The following RUNX1T1 variants were observed in gnomAD, a reference collection of about 807,000 sequenced individuals.
RUNX1T1 encodes RUNX1 partner transcriptional co-repressor 1.
A neutral mutation model predicts 62.8 loss-of-function variants in RUNX1T1; 4 were observed. The ratio of observed to expected loss-of-function variants is 0.06; its 90% CI spans 0.03 to 0.15. The LOEUF (loss-of-function observed/expected upper bound fraction) is 0.15, where lower values mean the gene tolerates loss of function less well. Ranked by LOEUF, RUNX1T1 falls within the 10% of genes least tolerant of loss-of-function variation. The pLI, the probability that RUNX1T1 is intolerant of heterozygous loss-of-function variation, is 1.00. For missense variants in RUNX1T1, 508 were observed against 754.3 expected, an observed-to-expected ratio of 0.67 and a Z score of 3.82; for synonymous variants, 291 against 286.0, an observed-to-expected ratio of 1.02 and a Z score of -0.18.
At chr8:92,083,604 TA>T (rs878968827) in intron 1 of RUNX1T1, among the ~76,000 whole-genome samples, 1 of 152,148 alleles carries the variant, frequency 6.6e-6, no homozygotes, top group African/African-American at 2.4e-5. Context: ...AAACAACAGA[TA>T]CTGGAGAGGA....
intron 1 of RUNX1T1, among the ~76,000 whole-genome samples, chr8:92,093,247 G>A (rs1837303302): frequency 6.6e-6 from 1 of 151,904 alleles, no homozygotes; most frequent in Non-Finnish European, 1.5e-5. Context: ...ATAAGTCATA[G>A]TCAAAATAGA....
At chr8:91,981,291 C>A (rs1586800694) in intron 8 of RUNX1T1, among the ~76,000 whole-genome samples, 1 of 149,590 alleles carries the variant, frequency 6.7e-6, no homozygotes, top group African/African-American at 2.5e-5. Flanking sequence ...ATAATTCAAT[C>A]ATATGACAAT....
At chr8:92,077,237 T>C (rs551935857) in intron 1 of RUNX1T1, among the ~76,000 whole-genome samples, 1 of 152,268 alleles carries the variant, frequency 6.6e-6, no homozygotes, top group African/African-American at 2.4e-5. Context: ...TAAAATACAT[T>C]ACTAGATATT....
upstream of RUNX1T1, among the ~76,000 whole-genome samples, chr8:92,066,068 C>G (rs920352399): frequency 1.3e-5 from 2 of 152,204 alleles, no homozygotes; most frequent in African/African-American, 4.8e-5. Context: ...AGTGAAAAAA[C>G]AAGGGCAAAA....
chr8:92,030,654 G>T (rs1348008729), intron 1 of RUNX1T1, among the ~76,000 whole-genome samples: 3 of 152,092 alleles, frequency 2.0e-5, no homozygotes, highest in Non-Finnish European at 4.4e-5. Flanking sequence ...CTCTTTTGTG[G>T]TTAACCCAAA....
At chr8:91,997,752 C>A (rs767808868) in intron 5 of RUNX1T1, among the ~76,000 whole-genome samples, 1 of 152,138 alleles carries the variant, frequency 6.6e-6, no homozygotes, top group Non-Finnish European at 1.5e-5. Flanking sequence ...CAGTATCCCC[C>A]AGAGCCACAG....
chr8:91,976,740 AT>A, intron 8 of RUNX1T1, among the ~76,000 whole-genome samples: 1 of 152,352 alleles, frequency 6.6e-6, no homozygotes, highest in South Asian at 2.1e-4. Flanking sequence ...AACACAAAAC[AT>A]TTTATAGTTC....
chr8:91,976,786 G>A (rs370709560), intron 8 of RUNX1T1, among the ~76,000 whole-genome samples: 18 of 152,208 alleles, frequency 1.2e-4, no homozygotes, highest in South Asian at 8.3e-4. Context: ...AGTGTATACC[G>A]TCTTCCATAG....
intron 6 of RUNX1T1, among the ~76,000 whole-genome samples, chr8:91,990,817 C>T (rs1487571864): frequency 6.6e-6 from 1 of 151,890 alleles, no homozygotes; most frequent in Non-Finnish European, 1.5e-5. Context: ...ACCACCATGC[C>T]CGGCTAATTT....
At chr8:91,991,984 A>AT (rs1381632390) in intron 5 of RUNX1T1, 95 bp from the exon 7 acceptor site, 60 of 1,351,418 alleles carry the variant, frequency 4.4e-5, no homozygotes, top group Non-Finnish European at 5.9e-5. Flanking sequence ...AAAACAGAAT[A>AT]TTTTTTATTG....
intron 1 of RUNX1T1, 28 bp from the exon 3 acceptor site, chr8:92,017,391 T>C: frequency 6.2e-7 from 1 of 1,614,002 alleles, no homozygotes; most frequent in East Asian, 2.2e-5. Context: ...GAACATATTA[T>C]TTTACTCCTT....
intron 1 of RUNX1T1, among the ~76,000 whole-genome samples, chr8:92,056,715 C>G (rs962912499): frequency 5.9e-5 from 9 of 151,892 alleles, no homozygotes; most frequent in Non-Finnish European, 1.2e-4. Flanking sequence ...TCTAGGAGCT[C>G]CTGGGGGCAG....
rs951439100 is a variant in RUNX1T1 at position 92,056,455 on chromosome 8, C to G, written c.7+6091G>C. Among the ~76,000 whole-genome samples, 3 of 152,226 alleles carry G rather than the reference C, an allele frequency of 2.0e-5. No individual in the cohort carries two copies. In the South Asian group the frequency reaches 6.2e-4, roughly 32 times the overall value. ...TATTTTCTTCCATGAGTGTCAAGTA[C>G]TCTGTATAATGTTAATAAACCACAT... On this transcript the variant is annotated intron_variant, in intron 1 of 10. Coordinates refer to ENST00000396218, the Ensembl canonical transcript of RUNX1T1.
chr8:92,094,761 C>T (rs1837536363), intron 1 of RUNX1T1, among the ~76,000 whole-genome samples: 2 of 151,982 alleles, frequency 1.3e-5, no homozygotes, highest in African/African-American at 2.4e-5. Context: ...AGGGGGTTGT[C>T]GGGAGAGGAA....
chr8:91,965,710 C>T (rs535375842), intron 10 of RUNX1T1, among the ~76,000 whole-genome samples: 1 of 152,024 alleles, frequency 6.6e-6, no homozygotes, highest in Non-Finnish European at 1.5e-5. Context: ...ATTGCAAACC[C>T]CTCTTTCTTT....
At chr8:91,962,419 A>G (rs536449377) in intron 10 of RUNX1T1, among the ~76,000 whole-genome samples, 2 of 152,258 alleles carry the variant, frequency 1.3e-5, no homozygotes, top group Non-Finnish European at 2.9e-5. Flanking sequence ...AAAAAATGTC[A>G]TAAGTTAAAA....
upstream of RUNX1T1, chr8:92,063,113 G>A: frequency 1.4e-5 from 4 of 295,252 alleles, no homozygotes; most frequent in Admixed American, 5.7e-5. Flanking sequence ...AAAAAAAAAA[G>A]GTACAGAACT....
chr8:91,965,436 G>T (rs546044364), intron 10 of RUNX1T1, among the ~76,000 whole-genome samples: 1 of 152,262 alleles, frequency 6.6e-6, no homozygotes, highest in South Asian at 2.1e-4. Flanking sequence ...AGGGAGGGAT[G>T]CTGGCATAAA....
At chr8:91,960,382 G>C (rs531429592) in exon 11 of RUNX1T1, 96 of 1,614,058 alleles carry the variant, frequency 5.9e-5, no homozygotes, top group Non-Finnish European at 6.4e-5. Flanking sequence ...TCTCCCTGCT[G>C]CTGGGCCTGC....
Sources: allele counts gnomAD v4.1 joint callset (sites outside exome capture counted in the v4.1 genomes callset), GRCh38; gene constraint gnomAD v4.1.1; transcripts MANE v1.5; gene names NCBI Gene and HGNC (gene_info 2026-07-23, HGNC 2026-07-21).